The following TBCK variants were observed in gnomAD, a reference collection of about 807,000 sequenced individuals.
TBCK encodes TBC1 domain containing kinase.
In TBCK, 99 loss-of-function variants were observed where a neutral mutation model predicts 113.4. That is an observed-to-expected ratio of 0.87 (90% CI 0.74 to 1.03). TBCK has a LOEUF of 1.03. Among genes scored for constraint, TBCK ranks in the 50% least tolerant of loss-of-function variants. The pLI is 0.00. For synonymous variants in TBCK, 369 were observed against 370.8 expected (o/e 1.00, Z 0.05); for missense variants, 1,045 against 1,061.3 (o/e 0.98, Z 0.21).
chr4:106,227,827 C>A (rs1035512534), intron 19 of TBCK, among the ~76,000 whole-genome samples: 2 of 151,822 alleles, frequency 1.3e-5, no homozygotes, highest in African/African-American at 4.8e-5. Flanking sequence ...TACACAGAAT[C>A]TTGTTGAAAG....
At chr4:106,237,349 A>G (rs1000074372) in intron 12 of TBCK, 3 of 316,758 alleles carry the variant, frequency 9.5e-6, no homozygotes, top group African/African-American at 6.6e-5. Flanking sequence ...CTTAATGACA[A>G]AATCATTTTA....
intron 25 of TBCK, among the ~76,000 whole-genome samples, chr4:106,076,302 C>T (rs73836968): frequency 1.3e-5 from 2 of 152,098 alleles, no homozygotes; most frequent in East Asian, 3.9e-4. Flanking sequence ...TTACTTGGAA[C>T]CTAAACATGT....
intron 11 of TBCK, 43 bp from the exon 12 acceptor site, chr4:106,242,612 TTTA>T: frequency 7.1e-7 from 1 of 1,400,274 alleles, no homozygotes; most frequent in Non-Finnish European, 9.8e-7. Flanking sequence ...CAAAATCCAG[TTTA>T]TTGTTTCTTC....
At chr4:106,104,975 C>T (rs530381485) in intron 24 of TBCK, among the ~76,000 whole-genome samples, 3 of 152,346 alleles carry the variant, frequency 2.0e-5, no homozygotes, top group African/African-American at 4.8e-5. Context: ...ATCCTCCAGG[C>T]CTGGGGTTCC....
At chr4:106,107,896 A>C (rs1560654707) in intron 24 of TBCK, among the ~76,000 whole-genome samples, 1 of 152,202 alleles carries the variant, frequency 6.6e-6, no homozygotes, top group Non-Finnish European at 1.5e-5. Context: ...TAGACTAAGA[A>C]GAAAGAAGAT....
At chr4:106,222,776 A>G (rs1043670476) in intron 19 of TBCK, among the ~76,000 whole-genome samples, 4 of 152,120 alleles carry the variant, frequency 2.6e-5, no homozygotes, top group Non-Finnish European at 5.9e-5. Context: ...AATGAACCTG[A>G]ATTACTTCCC....
chr4:106,152,216 G>A (rs1448991403), intron 23 of TBCK, among the ~76,000 whole-genome samples: 1 of 151,812 alleles, frequency 6.6e-6, no homozygotes, highest in Non-Finnish European at 1.5e-5. Flanking sequence ...GCTCATTATG[G>A]TCCGTCATGT....
rs1014861518 is a variant in TBCK, at chr4:106,297,803, C to T, written c.194-2637G>A. Reference sequence around the variant, plus strand: ...TGGGATCCAAATCCCAGTTTTGCTACTAATTAACTATGTGACCTCAGGGAA... The same window carrying T: ...TGGGATCCAAATCCCAGTTTTGCTATTAATTAACTATGTGACCTCAGGGAA... On this transcript the variant is annotated intron_variant, in intron 2 of 25. Transcript: ENST00000394708. 3.3e-5 allele frequency: 5 copies of T among 152,166 alleles called. No individual in the cohort carries two copies. In the East Asian group the frequency reaches 7.7e-4, roughly 23 times the overall value. 9.4% of individuals were successfully genotyped at this position (152,166 alleles called of 1,614,324 possible).
chr4:106,049,430 T>A (rs1734566265), intron 25 of TBCK, among the ~76,000 whole-genome samples: 1 of 152,012 alleles, frequency 6.6e-6, no homozygotes, highest in Non-Finnish European at 1.5e-5. Context: ...TTAAAGGGAA[T>A]GAGAATCCAG....
At chr4:106,257,734 T>C (rs1270120921) in intron 5 of TBCK, among the ~76,000 whole-genome samples, 2 of 152,098 alleles carry the variant, frequency 1.3e-5, no homozygotes, top group Non-Finnish European at 2.9e-5. Context: ...GATGTTATAA[T>C]ACCTGTGTTC....
intron 12 of TBCK, 52 bp downstream of exon 12, chr4:106,242,418 T>G: frequency 7.2e-7 from 1 of 1,395,094 alleles, no homozygotes; most frequent in South Asian, 1.3e-5. Flanking sequence ...ATCTGTAAGG[T>G]TTTAATTAAA....
intron 23 of TBCK, among the ~76,000 whole-genome samples, chr4:106,126,082 G>C (rs1002044691): frequency 9.2e-5 from 14 of 152,144 alleles, no homozygotes; most frequent in African/African-American, 3.4e-4. Flanking sequence ...TCACGCCACT[G>C]TGCCTTTGCA....
intron 25 of TBCK, among the ~76,000 whole-genome samples, chr4:106,080,762 G>A (rs991953782): frequency 2.0e-5 from 3 of 152,012 alleles, no homozygotes; most frequent in African/African-American, 7.2e-5. Flanking sequence ...GAAAATTTTT[G>A]CAATCTATCC....
intron 3 of TBCK, among the ~76,000 whole-genome samples, chr4:106,269,702 A>C (rs1763302472): frequency 6.6e-6 from 1 of 152,156 alleles, no homozygotes; most frequent in African/African-American, 2.4e-5. Flanking sequence ...CAGTTGTGAG[A>C]CTAGGCATAT....
chr4:106,186,073 A>C (rs1471022213), intron 22 of TBCK, among the ~76,000 whole-genome samples: 1 of 152,126 alleles, frequency 6.6e-6, no homozygotes, highest in Non-Finnish European at 1.5e-5. Context: ...CATTCATTTT[A>C]TGACTGTGTA....
chr4:106,175,351 A>T (rs926887687), intron 22 of TBCK, among the ~76,000 whole-genome samples: 7 of 146,436 alleles, frequency 4.8e-5, no homozygotes, highest in Non-Finnish European at 1.0e-4. Context: ...ACCAAAAATC[A>T]GATTGAATTT....
intron 5 of TBCK, among the ~76,000 whole-genome samples, chr4:106,253,561 C>G (rs1350329825): frequency 6.6e-6 from 1 of 152,162 alleles, no homozygotes; most frequent in African/African-American, 2.4e-5. Context: ...AATCTATACA[C>G]TTGCCAGCAG....
intron 5 of TBCK, among the ~76,000 whole-genome samples, chr4:106,256,642 C>T (rs553595961): frequency 1.3e-5 from 2 of 152,242 alleles, no homozygotes; most frequent in African/African-American, 4.8e-5. Flanking sequence ...GTCTGCAGCA[C>T]CAACTTAGGC....
intron 23 of TBCK, among the ~76,000 whole-genome samples, chr4:106,132,509 C>T (rs569226057): frequency 2.0e-5 from 3 of 152,220 alleles, no homozygotes; most frequent in Non-Finnish European, 4.4e-5. Flanking sequence ...ACCTGGACGT[C>T]CATGCAAAAG....
Sources: allele counts gnomAD v4.1 joint callset (sites outside exome capture counted in the v4.1 genomes callset), GRCh38; gene constraint gnomAD v4.1.1; transcripts MANE v1.5; gene names NCBI Gene and HGNC (gene_info 2026-07-23, HGNC 2026-07-21).